Variants in DPF3 observed in about 807,000 individuals in gnomAD.
DPF3 encodes double PHD fingers 3, also known as zinc finger protein DPF3.
A neutral mutation model predicts 56.8 loss-of-function variants in DPF3; 18 were observed. That is an observed-to-expected ratio of 0.32 (90% CI 0.22 to 0.47). The LOEUF (loss-of-function observed/expected upper bound fraction) is 0.47, where lower values mean the gene tolerates loss of function less well. Among genes scored for constraint, DPF3 ranks in the 20% least tolerant of loss-of-function variants. The probability of loss-of-function intolerance (pLI) is 1.00; values close to 1 mark genes in which losing one functional copy is unlikely to be tolerated. For synonymous variants in DPF3, 188 were observed against 180.2 expected (o/e 1.04, Z -0.35); for missense variants, 403 against 488.8 (o/e 0.82, Z 1.65).
At position 72,619,446 on chromosome 14, in the gene DPF3, A is replaced by T. The variant is rs1884285498; in HGVS notation, c.1067-79T>A. ...CACCCCACTGGCCCTAACTTCTTGTAAATCCTGTTTCCTTTGAACTTTGGC... is the reference window on the plus strand; with the variant it reads ...CACCCCACTGGCCCTAACTTCTTGTTAATCCTGTTTCCTTTGAACTTTGGC... On this transcript the variant is annotated intron_variant, in intron 10 of 10. Coordinates refer to ENST00000556509, the MANE Select transcript of DPF3 (RefSeq NM_001280542.3). 15 of 1,458,832 alleles carry T rather than the reference A, an allele frequency of 1.0e-5. No homozygotes were observed. The South Asian group carries it at 1.7e-4, about 17-fold the overall frequency. 90.4% of individuals were successfully genotyped at this position (1,458,832 alleles called of 1,614,324 possible).
At chr14:72,687,335 G>C (rs1013553305) in intron 7 of DPF3, among the ~76,000 whole-genome samples, 3 of 151,984 alleles carry the variant, frequency 2.0e-5, no homozygotes, top group Non-Finnish European at 4.4e-5. Context: ...TTCCCTCTTA[G>C]GAGCTCTGAG....
intron 2 of DPF3, among the ~76,000 whole-genome samples, chr14:72,765,395 C>T (rs1353152644): frequency 6.6e-6 from 1 of 152,078 alleles, no homozygotes; most frequent in Non-Finnish European, 1.5e-5. Context: ...TGTTCTACTC[C>T]TAGGTAGTTA....
intron 1 of DPF3, among the ~76,000 whole-genome samples, chr14:72,844,710 T>C (rs982230041): frequency 6.6e-6 from 1 of 152,230 alleles, no homozygotes; most frequent in Admixed American, 6.5e-5. Context: ...TTTTAAATAT[T>C]GACTCAGAAT....
intron 8 of DPF3, among the ~76,000 whole-genome samples, chr14:72,641,084 C>G (rs1452810709): frequency 2.0e-5 from 3 of 152,132 alleles, no homozygotes; most frequent in African/African-American, 4.8e-5. Context: ...AGGGTGGCAC[C>G]ACCATCAAGT....
chr14:72,672,059 A>G (rs553603092), intron 8 of DPF3, among the ~76,000 whole-genome samples: 3,606 of 63,758 alleles, frequency 0.057, 145 homozygotes, highest in East Asian at 0.49. Flanking sequence ...ACACACACAC[A>G]GACACACACA....
chr14:72,687,271 C>A (rs1887453976), intron 7 of DPF3, among the ~76,000 whole-genome samples: 1 of 152,208 alleles, frequency 6.6e-6, no homozygotes, highest in African/African-American at 2.4e-5. Context: ...TTCAATTCCA[C>A]AGACTTGAAA....
chr14:72,851,397 C>T lies in DPF3; in HGVS notation c.32+42660G>A, dbSNP rs535021190. Among the ~76,000 whole-genome samples the T allele has an allele frequency of 3.9e-5, 6 of 152,336 alleles. No homozygotes were observed. In the East Asian group the frequency reaches 1.2e-3, roughly 29 times the overall value. On this transcript the variant is annotated intron_variant, in intron 1 of 10. Coordinates refer to ENST00000556509, the MANE Select transcript of DPF3 (RefSeq NM_001280542.3). ...CTCCATAGAGCCCTCAGGTTCTTAA[C>T]TCACACGGCACTATCTGGATCTTTC...
intron 1 of DPF3, among the ~76,000 whole-genome samples, chr14:72,891,174 C>T (rs779307124): frequency 3.9e-5 from 6 of 152,188 alleles, no homozygotes; most frequent in Non-Finnish European, 8.8e-5. Flanking sequence ...CCATACTCAG[C>T]GTAGGCAGAG....
chr14:72,738,098 G>T (rs1483303745), intron 3 of DPF3, among the ~76,000 whole-genome samples: 1 of 152,116 alleles, frequency 6.6e-6, no homozygotes, highest in Non-Finnish European at 1.5e-5. Flanking sequence ...TGAGGAGGGA[G>T]AAGGGAGGGA....
rs74845593 is a variant in DPF3, at chr14:72,617,068, C to A, written c.*2229G>T. Among the ~76,000 whole-genome samples the A allele has an allele frequency of 0.013, 2,044 of 152,304 alleles. 51 individuals are homozygous for A. The highest frequency in any genetic ancestry group is 0.046 in the African/African-American group (1,911 of 41,552). The stretch of plus-strand genomic sequence containing the variant: ...AGTGCAGGCAAGTTCCAGTGCCCTG[C>A]CTTGGCCTGGGAGACCCAGCTGAGG... On this transcript the variant is annotated 3_prime_UTR_variant, in exon 11 of 11. Transcript: ENST00000556509.
rs1373501431 is a variant in DPF3, at chr14:72,723,633, C to A, written c.525G>T (p.Arg175=). The change falls in exon 5 of 11, where the codon CGG becomes CGT. Residue 175 remains arginine (R), a splice_region_variant and synonymous_variant. Coordinates refer to ENST00000556509, the MANE Select transcript of DPF3 (RefSeq NM_001280542.3). ...CTCGCTCATGTCATCCCCAACTTAC[C>A]CGTCCTCTAGTCCTGTTCTTTCGCT... is the stretch of plus-strand genomic sequence containing the variant. ...IPKRKNRTRG[R]ARGSAGGRRR... is the part of the protein sequence containing the mutation. 16 of 1,563,872 alleles carry A rather than the reference C, an allele frequency of 1.0e-5. No homozygotes were observed. The highest frequency in any genetic ancestry group is 1.4e-5 in the Non-Finnish European group (16 of 1,163,582).
chr14:72,660,157 A>G (rs1241457788), intron 8 of DPF3, among the ~76,000 whole-genome samples: 1 of 152,138 alleles, frequency 6.6e-6, no homozygotes, highest in Non-Finnish European at 1.5e-5. Flanking sequence ...AATGTACTTA[A>G]TGACACAGAA....
At chr14:72,796,358 C>T (rs1892646976) in intron 1 of DPF3, among the ~76,000 whole-genome samples, 2 of 152,120 alleles carry the variant, frequency 1.3e-5, no homozygotes, top group South Asian at 4.1e-4. Flanking sequence ...AAAAAATTAG[C>T]CAGGCATAGT....
intron 6 of DPF3, among the ~76,000 whole-genome samples, chr14:72,704,224 C>T (rs551485257): frequency 2.0e-5 from 3 of 152,282 alleles, no homozygotes; most frequent in Admixed American, 6.5e-5. Context: ...GTGAGTCCTG[C>T]GTTAGCATGT....
rs181809012 is a variant in DPF3, at chr14:72,802,183, G to A, written c.33-30290C>T. Among the ~76,000 whole-genome samples, 295 of 151,464 alleles carry A rather than the reference G, an allele frequency of 1.9e-3. 3 individuals are homozygous for A. The highest frequency in any genetic ancestry group is 3.0e-3 in the Non-Finnish European group (206 of 68,006). On this transcript the variant is annotated intron_variant, in intron 1 of 10. Transcript: ENST00000556509. ...CCTACCCCCACCACCTGAACACTAC[G>A]AGACAAATGGGACTCCTGGTTTCTG...
At chr14:72,803,249 GA>G (rs1334361124) in intron 1 of DPF3, among the ~76,000 whole-genome samples, 2 of 152,210 alleles carry the variant, frequency 1.3e-5, no homozygotes, top group Non-Finnish European at 2.9e-5. Context: ...CTCTCAGGGT[GA>G]AGTGTGAAGA....
chr14:72,767,864 C>T (rs34266955), intron 2 of DPF3, among the ~76,000 whole-genome samples: 28,783 of 150,596 alleles, frequency 0.19, 2,981 homozygotes, highest in East Asian at 0.25. Flanking sequence ...ATCAAAATCA[C>T]GTTTCTGAAA....
intron 2 of DPF3, among the ~76,000 whole-genome samples, chr14:72,769,603 C>G (rs1393966821): frequency 6.7e-6 from 1 of 149,554 alleles, no homozygotes; most frequent in South Asian, 2.1e-4. Flanking sequence ...TCGCTTGAAC[C>G]CGGGAGGCAG....
chr14:72,781,135 C>T (rs964349984), intron 1 of DPF3, among the ~76,000 whole-genome samples: 4 of 152,328 alleles, frequency 2.6e-5, no homozygotes, highest in Non-Finnish European at 4.4e-5. Flanking sequence ...CAGAGCTGGA[C>T]GGCCCAGTTA....
Sources: gnomAD v4.1 joint callset for allele counts (sites outside exome capture counted in the v4.1 genomes callset) on GRCh38, gnomAD v4.1.1 for gene constraint, MANE v1.5 for transcripts, NCBI Gene and HGNC (gene_info 2026-07-23, HGNC 2026-07-21) for gene names.